The following NFIB variants were observed in gnomAD, a reference collection of about 807,000 sequenced individuals.
NFIB encodes the protein nuclear factor 1 B-type.
Under a neutral mutation model 61.5 loss-of-function variants are expected in NFIB, and 11 were observed. The observed-to-expected ratio is 0.18, with a 90% CI of 0.11 to 0.30. NFIB has a LOEUF of 0.30. NFIB is among the 10% of genes least tolerant of loss of function. The probability of loss-of-function intolerance (pLI) is 1.00; values close to 1 mark genes in which losing one functional copy is unlikely to be tolerated. For missense variants in NFIB, 471 were observed against 608.9 expected, an observed-to-expected ratio of 0.77 and a Z score of 2.38; for synonymous variants, 260 against 216.5, an observed-to-expected ratio of 1.20 and a Z score of -1.76.
chr9:14,415,648 G>A, the NFIB span, among the ~76,000 whole-genome samples: 1 of 152,244 alleles, frequency 6.6e-6, no homozygotes, highest in African/African-American at 2.4e-5. Flanking sequence ...TTAGAGACAT[G>A]AAGCTTAGGG....
At chr9:14,485,567 G>A in the NFIB span, among the ~76,000 whole-genome samples, 2 of 152,156 alleles carry the variant, frequency 1.3e-5, no homozygotes, top group Non-Finnish European at 2.9e-5. Flanking sequence ...CTGGGATGTA[G>A]TGATGACTAA....
At chr9:14,131,535 C>T (rs765036716) in intron 6 of NFIB, among the ~76,000 whole-genome samples, 2 of 152,172 alleles carry the variant, frequency 1.3e-5, no homozygotes, top group Non-Finnish European at 2.9e-5. Context: ...AGCGTATGTA[C>T]TCGACTCATC....
chr9:14,459,024 T>C, the NFIB span, among the ~76,000 whole-genome samples: 2 of 152,072 alleles, frequency 1.3e-5, no homozygotes. Flanking sequence ...TACTTTAAAG[T>C]TCATATGGAA....
intron 6 of NFIB, among the ~76,000 whole-genome samples, chr9:14,138,649 G>A (rs2041342181): frequency 6.6e-6 from 1 of 152,060 alleles, no homozygotes. Flanking sequence ...AAAACTGGGA[G>A]ATAGTAAATG....
intron 2 of NFIB, among the ~76,000 whole-genome samples, chr9:14,209,326 A>G (rs1446455647): frequency 6.6e-6 from 1 of 152,214 alleles, no homozygotes; most frequent in African/African-American, 2.4e-5. Flanking sequence ...CACAATCGAT[A>G]AGCAAATGCA....
At chr9:14,466,943 T>A in the NFIB span, among the ~76,000 whole-genome samples, 32 of 152,064 alleles carry the variant, frequency 2.1e-4, no homozygotes, top group Admixed American at 2.0e-3. Flanking sequence ...GAAATTAAGA[T>A]CTAGAGTCCC....
At chr9:14,462,799 G>T in the NFIB span, among the ~76,000 whole-genome samples, 11 of 152,196 alleles carry the variant, frequency 7.2e-5, no homozygotes, top group African/African-American at 2.7e-4. Flanking sequence ...CCATTTATTA[G>T]AAAGTTCTGG....
chr9:14,316,416 C>T (rs187646089), upstream of NFIB, among the ~76,000 whole-genome samples: 1 of 152,260 alleles, frequency 6.6e-6, no homozygotes, highest in Non-Finnish European at 1.5e-5. Flanking sequence ...TCGGGGAGAT[C>T]GCGCGGACCC....
chr9:14,226,221 T>G (rs2131880363), intron 2 of NFIB, among the ~76,000 whole-genome samples: 1 of 152,284 alleles, frequency 6.6e-6, no homozygotes, highest in Admixed American at 6.5e-5. Flanking sequence ...AACTTTTTTT[T>G]GGCTAAAGTC....
chr9:14,349,936 C>G (rs1297933424), intron 1 of NFIB, among the ~76,000 whole-genome samples: 1 of 152,164 alleles, frequency 6.6e-6, no homozygotes, highest in Non-Finnish European at 1.5e-5. Context: ...GTGGCATTTC[C>G]CTTCCCCGTG....
In NFIB at chr9:14,082,770, T is replaced by TAAA. The variant is rs199891065; in HGVS notation, c.*5536_*5538dup. ...AGGATGCATAAAAAGCCATACTTCT[T>TAAA]AAAAAAAAAAAAAAGAAAAAAAAAG... is the stretch of plus-strand genomic sequence containing the variant. On this transcript the variant is annotated 3_prime_UTR_variant, in exon 11 of 11. Coordinates refer to ENST00000380953, the MANE Select transcript of NFIB (RefSeq NM_001190737.2). 2.6e-5 allele frequency: 4 copies of TAAA among 156,416 alleles called. No homozygotes were observed. The highest frequency in any genetic ancestry group is 1.0e-4 in the East Asian group (1 of 10,030). The allele number at this position is 156,416 out of a possible 1,614,324, so 9.7% of individuals were successfully genotyped here. A position where few individuals can be genotyped will look rare whatever the true frequency, so the allele number is the denominator to read the frequency against.
At chr9:14,393,838 C>T (rs1244143418) in intron 1 of NFIB, among the ~76,000 whole-genome samples, 1 of 152,122 alleles carries the variant, frequency 6.6e-6, no homozygotes, top group Non-Finnish European at 1.5e-5. Flanking sequence ...AATTATAATT[C>T]TTCTGGTTTG....
At chr9:14,318,819 T>C (rs140711672), upstream of NFIB, among the ~76,000 whole-genome samples, 56 of 152,220 alleles carry the variant, frequency 3.7e-4, no homozygotes, top group African/African-American at 1.1e-3. Flanking sequence ...TCAAGAAGTA[T>C]TGAAAGTGCC....
intron 1 of NFIB, among the ~76,000 whole-genome samples, chr9:14,391,740 A>G (rs1588414485): frequency 1.3e-5 from 2 of 152,106 alleles, no homozygotes; most frequent in East Asian, 3.9e-4. Context: ...AAAAACACAG[A>G]CCCTGGAACC....
chr9:14,090,485 T>A (rs2033711201), intron 10 of NFIB, among the ~76,000 whole-genome samples: 1 of 152,080 alleles, frequency 6.6e-6, no homozygotes, highest in Non-Finnish European at 1.5e-5. Flanking sequence ...TATTACTTCA[T>A]AAATATCTCT....
chr9:14,115,609 T>C (rs896061645), intron 9 of NFIB, among the ~76,000 whole-genome samples: 2 of 152,032 alleles, frequency 1.3e-5, no homozygotes, highest in African/African-American at 4.8e-5. Flanking sequence ...AGCAAAATAA[T>C]CAAAAGGTTT....
chr9:14,125,525 A>C, intron 7 of NFIB, 107 bp downstream of exon 7: 1 of 1,455,462 alleles, frequency 6.9e-7, no homozygotes, highest in Non-Finnish European at 9.2e-7. Context: ...ATGGGTTGAG[A>C]AAATATGGTT....
intron 6 of NFIB, among the ~76,000 whole-genome samples, chr9:14,142,379 A>T (rs1168777653): frequency 6.6e-6 from 1 of 152,110 alleles, no homozygotes; most frequent in Non-Finnish European, 1.5e-5. Context: ...TTCCACCATG[A>T]CTGTGAAGCC....
intron 2 of NFIB, among the ~76,000 whole-genome samples, chr9:14,196,735 A>T (rs1368640963): frequency 1.3e-5 from 2 of 151,630 alleles, no homozygotes; most frequent in Non-Finnish European, 2.9e-5. Context: ...TCCTACCCTC[A>T]GAACTATGGA....
Sources: gnomAD v4.1 joint callset for allele counts (sites outside exome capture counted in the v4.1 genomes callset) on GRCh38, gnomAD v4.1.1 for gene constraint, MANE v1.5 for transcripts, NCBI Gene and HGNC (gene_info 2026-07-23, HGNC 2026-07-21) for gene names.